The following MYT1L variants were observed in gnomAD, a reference collection of about 807,000 sequenced individuals.
MYT1L encodes the protein myelin transcription factor 1-like protein.
In MYT1L, 12 loss-of-function variants were observed where a neutral mutation model predicts 126.7. That is an observed-to-expected ratio of 0.09 (90% CI 0.06 to 0.15). The LOEUF (loss-of-function observed/expected upper bound fraction) is 0.15, where lower values mean the gene tolerates loss of function less well. MYT1L is among the 10% of genes least tolerant of loss of function. The pLI is 1.00. For synonymous variants in MYT1L, 541 were observed against 604.2 expected (o/e 0.90, Z 1.53); for missense variants, 979 against 1,585.2 (o/e 0.62, Z 6.49).
chr2:1,904,960 AT>A (rs955858801), intron 13 of MYT1L, among the ~76,000 whole-genome samples: 4 of 145,584 alleles, frequency 2.7e-5, no homozygotes, highest in Non-Finnish European at 6.0e-5. Context: ...TGCCCAGCTA[AT>A]TTTTTTTTGT....
chr2:1,974,208 G>A (rs1211186465), intron 8 of MYT1L, among the ~76,000 whole-genome samples: 7 of 152,138 alleles, frequency 4.6e-5, no homozygotes, highest in Non-Finnish European at 1.0e-4. Context: ...GGTTTGCTTT[G>A]TGAGCTTGGT....
At chr2:1,796,488 A>T (rs1191826912) in intron 23 of MYT1L, among the ~76,000 whole-genome samples, 1 of 152,174 alleles carries the variant, frequency 6.6e-6, no homozygotes, top group Non-Finnish European at 1.5e-5. Flanking sequence ...TGTGGGATTA[A>T]CTGACCTGCC....
intron 2 of MYT1L, among the ~76,000 whole-genome samples, chr2:2,237,331 GTGAAACATCTTTACCT>G (rs1180356696): frequency 6.6e-6 from 1 of 152,098 alleles, no homozygotes; most frequent in Non-Finnish European, 1.5e-5. Flanking sequence ...GAGCATGAAT[GTGAAACATCTTTACCT>G]TGCACAAGCC....
chr2:2,244,029 C>T (rs1329607984), intron 2 of MYT1L, among the ~76,000 whole-genome samples: 1 of 152,200 alleles, frequency 6.6e-6, no homozygotes, highest in East Asian at 1.9e-4. Flanking sequence ...ATACAGATTC[C>T]ATAATAAAAT....
rs775529037 is a variant in MYT1L, at chr2:1,886,598, G to A, written c.2652C>T (p.Gly884=). ...GAATGCTTTTGTCCGCCAGGGGGCA[G>A]CCAGACAGACTGTAAGACAGGCCGG... ...ESKKDLITLS[G]CPLADKSIRS... The change falls in exon 18 of 25, where the codon GGC becomes GGT. Residue 884 remains glycine, a synonymous_variant. Transcript: ENST00000647738. The A allele has an allele frequency of 1.3e-6, 2 of 1,581,572 alleles. No homozygotes were observed. Among genetic ancestry groups the A allele is most frequent in the African/African-American group, 2.7e-5 (2 of 73,564 alleles).
chr2:1,991,793 T>A (rs1045242221), intron 5 of MYT1L, among the ~76,000 whole-genome samples: 2 of 151,960 alleles, frequency 1.3e-5, no homozygotes, highest in African/African-American at 2.4e-5. Context: ...CACTGACCCA[T>A]CCCCCAAATC....
chr2:2,172,608 G>T (rs940554938), intron 3 of MYT1L, among the ~76,000 whole-genome samples: 1 of 152,212 alleles, frequency 6.6e-6, no homozygotes, highest in East Asian at 1.9e-4. Context: ...AATCCTGGGA[G>T]CCCCGTGCTG....
chr2:2,228,154 A>T lies in MYT1L; in HGVS notation c.-420-55166T>A, dbSNP rs922979322. Among the ~76,000 whole-genome samples the T allele has an allele frequency of 6.6e-6, 1 of 152,220 alleles. No individual in the cohort carries two copies. The highest frequency in any genetic ancestry group is 2.4e-5 in the African/African-American group (1 of 41,448). On this transcript the variant is annotated intron_variant, in intron 2 of 24. Transcript: ENST00000647738. This position sits in a 1 kb window ranked among gnomAD's most constrained non-coding sequence, Gnocchi z 5.9. Reference sequence around the variant, plus strand: ...TAATATAATCATCATCACTATCATCAGTATAATCATTACCTACATAAAAGA... The same window carrying T: ...TAATATAATCATCATCACTATCATCTGTATAATCATTACCTACATAAAAGA...
intron 3 of MYT1L, among the ~76,000 whole-genome samples, chr2:2,167,037 C>T (rs963612266): frequency 2.0e-5 from 3 of 152,096 alleles, no homozygotes; most frequent in Admixed American, 6.6e-5. Flanking sequence ...AGGTCACTTC[C>T]GCCTCCGTCT....
chr2:1,991,225 A>T (rs981822787), intron 5 of MYT1L, among the ~76,000 whole-genome samples: 1 of 152,110 alleles, frequency 6.6e-6, no homozygotes, highest in African/African-American at 2.4e-5. Flanking sequence ...CACAGGGTGG[A>T]TCCGGGGCTC....
At chr2:2,115,523 T>C (rs902212762) in intron 3 of MYT1L, among the ~76,000 whole-genome samples, 7 of 152,202 alleles carry the variant, frequency 4.6e-5, no homozygotes, top group African/African-American at 1.4e-4. Context: ...GAAAGCGAAG[T>C]GACAATGAAC....
intron 1 of MYT1L, chr2:2,326,306 G>T (rs1022704573): frequency 6.6e-6 from 1 of 152,292 alleles, no homozygotes; most frequent in Non-Finnish European, 1.5e-5. Flanking sequence ...TTTCCGTGGG[G>T]AGACTGACAG....
At chr2:1,876,359 C>T (rs1436959350) in intron 18 of MYT1L, among the ~76,000 whole-genome samples, 2 of 152,090 alleles carry the variant, frequency 1.3e-5, no homozygotes, top group African/African-American at 2.4e-5. Flanking sequence ...TGCGTCCACG[C>T]GTGGCCTTCG....
intron 2 of MYT1L, among the ~76,000 whole-genome samples, chr2:2,273,570 A>C (rs1172286985): frequency 1.3e-5 from 2 of 152,164 alleles, no homozygotes; most frequent in African/African-American, 4.8e-5. Context: ...ATGGGAAGCC[A>C]CTCAGAGCAT....
At chr2:1,948,205 A>T (rs956474956) in intron 8 of MYT1L, among the ~76,000 whole-genome samples, 3 of 152,184 alleles carry the variant, frequency 2.0e-5, no homozygotes, top group African/African-American at 7.2e-5. Context: ...AAGCTCTTGG[A>T]TTCAGCGTAG....
intron 2 of MYT1L, among the ~76,000 whole-genome samples, chr2:2,182,125 C>A (rs2091602892): frequency 6.6e-6 from 1 of 151,736 alleles, no homozygotes; most frequent in East Asian, 2.0e-4. Context: ...ACGCCCCACT[C>A]TGACCGCACT....
At chr2:2,200,100 CT>C (rs150759593) in intron 2 of MYT1L, among the ~76,000 whole-genome samples, 248 of 152,188 alleles carry the variant, frequency 1.6e-3, no homozygotes, top group African/African-American at 5.7e-3. Context: ...CACCGTGGCA[CT>C]ATAGGAAGCT....
At chr2:2,305,009 A>G (rs1009438140) in intron 1 of MYT1L, among the ~76,000 whole-genome samples, 1 of 152,238 alleles carries the variant, frequency 6.6e-6, no homozygotes, top group African/African-American at 2.4e-5. Flanking sequence ...AAGATATCTC[A>G]TTAAAATTAT....
At chr2:2,049,441 GTT>G (rs2068563775) in intron 4 of MYT1L, among the ~76,000 whole-genome samples, 1 of 152,180 alleles carries the variant, frequency 6.6e-6, no homozygotes, top group South Asian at 2.1e-4. Context: ...TGGCTTGGAA[GTT>G]AAAATGCCTA....
Sources: allele counts gnomAD v4.1 joint callset (sites outside exome capture counted in the v4.1 genomes callset), GRCh38; gene constraint gnomAD v4.1.1; non-coding constraint Gnocchi (gnomAD v3.1); transcripts MANE v1.5; gene names NCBI Gene and HGNC (gene_info 2026-07-23, HGNC 2026-07-21).